The following ZNF462 variants were observed in gnomAD, a reference collection of about 807,000 sequenced individuals.
ZNF462 encodes zinc finger protein 462.
A neutral mutation model predicts 201.9 loss-of-function variants in ZNF462; 10 were observed. The observed-to-expected ratio is 0.05, with a 90% CI of 0.03 to 0.08. The LOEUF (loss-of-function observed/expected upper bound fraction) is 0.08. Among genes scored for constraint, ZNF462 ranks in the 10% least tolerant of loss-of-function variants. The pLI, the probability that ZNF462 is intolerant of heterozygous loss-of-function variation, is 1.00. For missense variants in ZNF462, 2,523 were observed against 3,168.3 expected, an observed-to-expected ratio of 0.80 and a Z score of 4.89; for synonymous variants, 1,227 against 1,193.3, an observed-to-expected ratio of 1.03 and a Z score of -0.58.
intron 1 of ZNF462, among the ~76,000 whole-genome samples, chr9:106,918,877 A>G (rs972367421): frequency 6.6e-6 from 1 of 152,272 alleles, no homozygotes; most frequent in Non-Finnish European, 1.5e-5. Flanking sequence ...AAGTTCAAAC[A>G]ACAGGTGCTA....
chr9:106,984,501 T>A lies in ZNF462; in HGVS notation c.7056+92T>A. On this transcript the variant is annotated intron_variant, in intron 10 of 12. Coordinates refer to ENST00000277225, the MANE Select transcript of ZNF462 (RefSeq NM_021224.6). The surrounding 1 kb of genome is among the most constrained non-coding windows in gnomAD (Gnocchi z 6.4). ...ACTGCATTTAGTCACGACCACTGTG[T>A]ACCAGATGGAGATGTGGACTCAAAG... is the stretch of plus-strand genomic sequence containing the variant. The A allele has an allele frequency of 1.0e-6, 1 of 973,650 alleles. No homozygotes were observed. The highest frequency in any genetic ancestry group is 1.5e-6 in the Non-Finnish European group (1 of 651,630). The allele number at this position is 973,650 out of a possible 1,614,324, so 60.3% of individuals were successfully genotyped here. A position where few individuals can be genotyped will look rare whatever the true frequency, so the allele number is the denominator to read the frequency against.
Position 107,010,698 on chromosome 9 carries a change from G to A in ZNF462, c.7314-125G>A. On this transcript the variant is annotated intron_variant, in intron 12 of 12. Coordinates refer to ENST00000277225, the MANE Select transcript of ZNF462 (RefSeq NM_021224.6). The surrounding 1 kb of genome is among the most constrained non-coding windows in gnomAD (Gnocchi z 4.6). Reference sequence around the variant, plus strand: ...CATACACCCATGGCATTTGTTCAAAGGAAACCCCAAGGCTTTTTGAGGATC... The same window carrying A: ...CATACACCCATGGCATTTGTTCAAAAGAAACCCCAAGGCTTTTTGAGGATC... 4 of 943,010 alleles carry A rather than the reference G, an allele frequency of 4.2e-6. No individual in the cohort carries two copies. The highest frequency in any genetic ancestry group is 6.1e-6 in the Non-Finnish European group (4 of 653,026). 58.4% of individuals were successfully genotyped at this position (943,010 alleles called of 1,614,324 possible). A position where few individuals can be genotyped will look rare whatever the true frequency, so the allele number is the denominator to read the frequency against.
Position 106,926,006 on chromosome 9 carries a change from G to A in ZNF462, c.2094G>A (p.Glu698=). ...TGAAGAAGAGAACCAGGATTGACGA[G>A]ATAGCAAGCAACCTTCAGAGCAAAA... The part of the protein sequence containing the change: ...SPVKKRTRID[E]IASNLQSKIN... The change falls in exon 3 of 13, where the codon GAG becomes GAA. Residue 698 remains glutamate, a synonymous_variant. Transcript: ENST00000277225. The surrounding 1 kb of genome is among the most constrained non-coding windows in gnomAD (Gnocchi z 7.9). 6.2e-7 allele frequency: 1 copy of A among 1,614,208 alleles called. No homozygotes were observed. Among genetic ancestry groups the A allele is most frequent in the Non-Finnish European group, 8.5e-7 (1 of 1,180,040 alleles).
At position 106,915,801 on chromosome 9, in the gene ZNF462, T is replaced by C. The variant is rs139225972; in HGVS notation, c.-30-7553T>C. ...TTCAGAAAGCAGGGGTTTAGGACTT[T>C]ATCCTCACAGGGTAGTTATATTAGA... On this transcript the variant is annotated intron_variant, in intron 1 of 12. Coordinates refer to ENST00000277225, the MANE Select transcript of ZNF462 (RefSeq NM_021224.6). 5.2e-3 allele frequency among the ~76,000 whole-genome samples: 789 copies of C among 152,324 alleles called. 25 individuals carry two copies. The highest frequency in any genetic ancestry group is 0.046 in the Admixed American group (709 of 15,304).
At position 106,928,544 on chromosome 9, in the gene ZNF462, C is replaced by T. The variant is rs779157803; in HGVS notation, c.4632C>T (p.Thr1544=). ...YQKRHPSIKV[T]AEDFVHDVEQ... Reference sequence around the variant, plus strand: ...AGCGACACCCGTCCATCAAGGTGACCGCTGAGGACTTTGTGCACGACGTAG... The same window carrying T: ...AGCGACACCCGTCCATCAAGGTGACTGCTGAGGACTTTGTGCACGACGTAG... Residue 1544 remains threonine (T), a synonymous_variant, in exon 3 of 13, where the codon ACC becomes ACT. Transcript: ENST00000277225. The surrounding 1 kb of genome is among the most constrained non-coding windows in gnomAD (Gnocchi z 9.3). 21 of 1,613,932 alleles carry T rather than the reference C, an allele frequency of 1.3e-5. No individual in the cohort carries two copies. In the Admixed American group the frequency reaches 1.7e-4, roughly 13 times the overall value.
intron 7 of ZNF462, among the ~76,000 whole-genome samples, chr9:106,967,617 GA>G (rs1035463084): frequency 2.3e-4 from 35 of 152,108 alleles, no homozygotes; most frequent in African/African-American, 8.2e-4. Flanking sequence ...CAAGAGCCAC[GA>G]AAAAGCACCC....
chr9:106,903,983 G>C (rs1159889289), intron 1 of ZNF462, among the ~76,000 whole-genome samples: 2 of 151,986 alleles, frequency 1.3e-5, no homozygotes, highest in Non-Finnish European at 2.9e-5. Flanking sequence ...TGTGTACTTT[G>C]GTTTTTTGTT....
rs1588030916 is a variant in ZNF462 at position 106,905,073 on chromosome 9, G to C, written c.-30-18281G>C. Among the ~76,000 whole-genome samples the C allele has an allele frequency of 6.6e-6, 1 of 152,236 alleles. No homozygotes were observed. Among genetic ancestry groups the C allele is most frequent in the East Asian group, 1.9e-4 (1 of 5,168 alleles). ...AGGCTCTGTCAGAGGGAAGGTCTAT[G>C]GCTGAAGACTGTTGTTCAGATTCTT... On this transcript the variant is annotated intron_variant, in intron 1 of 12. Transcript: ENST00000277225. The surrounding 1 kb of genome is among the most constrained non-coding windows in gnomAD (Gnocchi z 5.9).
rs1206954195 is a variant in ZNF462, at chr9:106,890,629, A to G, written c.-31+27274A>G. Among the ~76,000 whole-genome samples the G allele has an allele frequency of 6.6e-6, 1 of 152,178 alleles. No individual in the cohort carries two copies. Among genetic ancestry groups the G allele is most frequent in the Non-Finnish European group, 1.5e-5 (1 of 68,032 alleles). Reference sequence around the variant, plus strand: ...AGGCTTACCTTCGTAATATGGGTAAATGTCTCAGGTTAGCCAAATGTACCT... The same window carrying G: ...AGGCTTACCTTCGTAATATGGGTAAGTGTCTCAGGTTAGCCAAATGTACCT... On this transcript the variant is annotated intron_variant, in intron 1 of 12. Transcript: ENST00000277225. This position sits in a 1 kb window ranked among gnomAD's most constrained non-coding sequence, Gnocchi z 4.2.
At chr9:106,867,355 T>C (rs989847366) in intron 1 of ZNF462, among the ~76,000 whole-genome samples, 1 of 152,198 alleles carries the variant, frequency 6.6e-6, no homozygotes, top group African/African-American at 2.4e-5. Context: ...TGTGGCTTAT[T>C]ATGCAAATTT....
chr9:106,982,755 C>T (rs1425928525), intron 9 of ZNF462, among the ~76,000 whole-genome samples: 3 of 152,192 alleles, frequency 2.0e-5, no homozygotes, highest in Non-Finnish European at 2.9e-5. Flanking sequence ...TAATCGCTGC[C>T]TTCAAGGACT....
Position 106,929,666 on chromosome 9 carries a change from C to G in ZNF462, c.5754C>G (p.Phe1918Leu). 1 of 1,614,136 alleles carries G rather than the reference C, an allele frequency of 6.2e-7. No individual in the cohort carries two copies. Among genetic ancestry groups the G allele is most frequent in the Non-Finnish European group, 8.5e-7 (1 of 1,180,026 alleles). Residue 1918 changes from phenylalanine (F) to leucine (L), a missense_variant, in exon 3 of 13, where the codon TTC (phenylalanine) becomes TTG (leucine). Around this residue, in one of 15 missense-constraint regions of ZNF462, gnomAD observed 107 missense variants for 187.7 expected, o/e 0.57. Coordinates refer to ENST00000277225, the MANE Select transcript of ZNF462 (RefSeq NM_021224.6). This position sits in a 1 kb window ranked among gnomAD's most constrained non-coding sequence, Gnocchi z 8.7. Reference sequence around the variant, plus strand: ...ACTTGAACATTCACAATGAGGAATTCCAGAAGCGTGCCAAACGTCAGGAGA... The same window carrying G: ...ACTTGAACATTCACAATGAGGAATTGCAGAAGCGTGCCAAACGTCAGGAGA... ...TSHLNIHNEE[F>L]QKRAKRQERR...
Position 106,928,940 on chromosome 9 carries a change from C to T in ZNF462, c.5028C>T (p.Ala1676=), listed in dbSNP as rs1204706985. Residue 1676 remains alanine, a synonymous_variant, in exon 3 of 13, where the codon GCC becomes GCT. Transcript: ENST00000277225. The surrounding 1 kb of genome is among the most constrained non-coding windows in gnomAD (Gnocchi z 9.3). ...TCTGCTCCACGAGGAAGGGGATCGCCAGGCACTACCGCATCAAGCACAATA... is the reference window on the plus strand; with the variant it reads ...TCTGCTCCACGAGGAAGGGGATCGCTAGGCACTACCGCATCAAGCACAATA... ...KYFCSTRKGI[A]RHYRIKHNNV... The T allele has an allele frequency of 6.2e-7, 1 of 1,614,124 alleles. No homozygotes were observed. Among genetic ancestry groups the T allele is most frequent in the African/African-American group, 1.3e-5 (1 of 75,044 alleles).
At position 106,926,426 on chromosome 9, in the gene ZNF462, C is replaced by T. The variant is rs1227786085; in HGVS notation, c.2514C>T (p.Asp838=). The change falls in exon 3 of 13, where the codon GAC becomes GAT. Residue 838 remains aspartate (D), a synonymous_variant. Transcript: ENST00000277225. This position sits in a 1 kb window ranked among gnomAD's most constrained non-coding sequence, Gnocchi z 7.9. The part of the protein sequence containing the change: ...EHNSENTDFG[D]SGRLYYCKHC... ...ATAGTGAAAACACAGACTTTGGTGA[C>T]TCTGGAAGGCTTTACTATTGTAAAC... 6.2e-7 allele frequency: 1 copy of T among 1,614,178 alleles called. No individual in the cohort carries two copies. Among genetic ancestry groups the T allele is most frequent in the Admixed American group, 1.7e-5 (1 of 60,030 alleles).
Position 107,003,181 on chromosome 9 carries a change from C to A in ZNF462, c.7057-113C>A. 2 of 1,463,214 alleles carry A rather than the reference C, an allele frequency of 1.4e-6. No homozygotes were observed. The highest frequency in any genetic ancestry group is 1.8e-6 in the Non-Finnish European group (2 of 1,085,844). The allele number at this position is 1,463,214 out of a possible 1,614,324, so 90.6% of individuals were successfully genotyped here. On this transcript the variant is annotated intron_variant, in intron 10 of 12. Coordinates refer to ENST00000277225, the MANE Select transcript of ZNF462 (RefSeq NM_021224.6). The surrounding 1 kb of genome is among the most constrained non-coding windows in gnomAD (Gnocchi z 4.4). ...TCTTAGGCCCCGGAGTTGTTTGGTC[C>A]TGGTTGCAAAACCACAGTCACAGGA...
chr9:106,882,486 C>A (rs1456061421), intron 1 of ZNF462, among the ~76,000 whole-genome samples: 1 of 152,170 alleles, frequency 6.6e-6, no homozygotes, highest in Non-Finnish European at 1.5e-5. Flanking sequence ...AGTTCTCAAT[C>A]AAAGAAAACT....
chr9:106,864,039 G>GCGCTCT lies in ZNF462; in HGVS notation c.-31+685_-31+686insGCTCTC, dbSNP rs1564062266. On this transcript the variant is annotated intron_variant, in intron 1 of 12. Transcript: ENST00000277225. ...AGCCCCCCTCTTCCTCAGGTATTTGGCTCTCTCTCTCTCTCTCTCTCTCTC... is the reference window on the plus strand; with the variant it reads ...AGCCCCCCTCTTCCTCAGGTATTTGGCGCTCTCTCTCTCTCTCTCTCTCTCTCTCTC... 7.5e-4 allele frequency among the ~76,000 whole-genome samples: 17 copies of GCGCTCT among 22,760 alleles called. 2 individuals are homozygous for GCGCTCT. Among genetic ancestry groups the GCGCTCT allele is most frequent in the East Asian group, 1.3e-3 (1 of 788 alleles). The allele number at this position is 22,760 out of a possible 152,430, so 14.9% of individuals were successfully genotyped here.
chr9:107,002,615 T>C (rs1478165506), intron 10 of ZNF462, among the ~76,000 whole-genome samples: 5 of 152,212 alleles, frequency 3.3e-5, no homozygotes, highest in Non-Finnish European at 7.3e-5. Flanking sequence ...TTTACATGAA[T>C]AAAAACCAGC....
chr9:106,974,535 GA>G lies in ZNF462; in HGVS notation c.6832+263del. 1 of 520,936 alleles carries G rather than the reference GA, an allele frequency of 1.9e-6. No individual in the cohort carries two copies. Among genetic ancestry groups the G allele is most frequent in the African/African-American group, 1.9e-5 (1 of 52,242 alleles). The allele number at this position is 520,936 out of a possible 1,614,324, so 32.3% of individuals were successfully genotyped here. On this transcript the variant is annotated intron_variant, in intron 9 of 12. Transcript: ENST00000277225. The surrounding 1 kb of genome is among the most constrained non-coding windows in gnomAD (Gnocchi z 4.0). ...TTCCGTAGGGCTTCCCAGCATGGGGGATTTGTACATTCTGACAATTCTGCCA... is the reference window on the plus strand; with the variant it reads ...TTCCGTAGGGCTTCCCAGCATGGGGGTTTGTACATTCTGACAATTCTGCCA...
Sources: gnomAD v4.1 joint callset for allele counts (sites outside exome capture counted in the v4.1 genomes callset) on GRCh38, gnomAD v4.1.1 for gene constraint, gnomAD v4.1.1 regional missense constraint, Gnocchi (gnomAD v3.1) non-coding constraint, MANE v1.5 for transcripts, NCBI Gene and HGNC (gene_info 2026-07-23, HGNC 2026-07-21) for gene names.